Variants in TIMD4 observed in about 807,000 individuals in gnomAD.
TIMD4 encodes T-cell immunoglobulin and mucin domain-containing protein 4.
In TIMD4, 31 loss-of-function variants were observed where a neutral mutation model predicts 41.2. The ratio of observed to expected loss-of-function variants is 0.75; its 90% confidence interval spans 0.57 to 1.01. TIMD4 has a LOEUF of 1.01. Ranked by LOEUF, TIMD4 falls within the 50% of genes least tolerant of loss-of-function variation. TIMD4 has a pLI of 0.00. For synonymous variants in TIMD4, 204 were observed against 177.1 expected (o/e 1.15, Z -1.21); for missense variants, 479 against 472.5 (o/e 1.01, Z -0.13).
intron 1 of TIMD4, 71 bp downstream of exon 1, chr5:156,963,070 G>A: frequency 1.3e-6 from 2 of 1,492,892 alleles, no homozygotes; most frequent in Non-Finnish European, 1.9e-6. Flanking sequence ...GCCCAAACCA[G>A]TGCATGGAAA....
intron 8 of TIMD4, among the ~76,000 whole-genome samples, chr5:156,920,226 G>A (rs1013303410): frequency 3.4e-4 from 52 of 152,078 alleles, no homozygotes; most frequent in African/African-American, 1.1e-3. Context: ...TTTCTTTTGC[G>A]TGCTATACTT....
At chr5:156,950,731 C>G (rs1456871899) in intron 3 of TIMD4, among the ~76,000 whole-genome samples, 2 of 152,190 alleles carry the variant, frequency 1.3e-5, no homozygotes, top group Non-Finnish European at 2.9e-5. Context: ...AAGGCTAGAA[C>G]TAGTTCACCA....
chr5:156,933,350 C>T (rs1290036179), intron 5 of TIMD4, among the ~76,000 whole-genome samples: 1 of 151,992 alleles, frequency 6.6e-6, no homozygotes, highest in South Asian at 2.1e-4. Context: ...GATGCTCTCT[C>T]TACAAAAAAT....
At position 156,949,800 on chromosome 5, in the gene TIMD4, A is replaced by C. The variant is rs1581628980; in HGVS notation, c.680-69T>G. ...TATTGTGTTTGTGGTGGGTGGTGGG[A>C]TTTGGGATTATCTTTTTTTAATTAA... On this transcript the variant is annotated intron_variant, in intron 3 of 8. Transcript: ENST00000274532. The C allele has an allele frequency of 8.6e-6, 8 of 925,252 alleles. No homozygotes were observed. The South Asian group carries it at 9.6e-5, about 11-fold the overall frequency. 57.3% of individuals were successfully genotyped at this position (925,252 alleles called of 1,614,324 possible).
rs138087009 is a variant in TIMD4, at chr5:156,920,494, A to G, written c.1022T>C (p.Met341Thr). Reference protein sequence around the residue: ...FVAFLLRGKLMETYCSQKHTR... With the variant: ...FVAFLLRGKLTETYCSQKHTR... ...GTGTTTCTGCGAACAATAGGTTTCC[A>G]TGAGTTTCCCTGAAAAGACAAGGCC... Residue 341 changes from methionine to threonine, a missense_variant, in exon 8 of 9, where the codon ATG becomes ACG. By Grantham distance (81) the Met-to-Thr change is moderately conservative. Coordinates refer to ENST00000274532, the MANE Select transcript of TIMD4 (RefSeq NM_138379.3). The G allele has an allele frequency of 2.1e-4, 335 of 1,614,082 alleles. 1 individual carries two copies. The African/African-American group carries it at 2.3e-3, about 11-fold the overall frequency.
intron 5 of TIMD4, among the ~76,000 whole-genome samples, chr5:156,934,448 GTTTGT>G (rs374710606): frequency 5.3e-5 from 8 of 151,926 alleles, no homozygotes; most frequent in East Asian, 1.9e-4. Context: ...TTGTTTGTTT[GTTTGT>G]TTTGTTTTGT....
chr5:156,954,772 C>A lies in TIMD4; in HGVS notation c.59-16G>T. 3.2e-6 allele frequency: 5 copies of A among 1,584,304 alleles called. No homozygotes were observed. Among genetic ancestry groups the A allele is most frequent in the Non-Finnish European group, 4.3e-6 (5 of 1,164,234 alleles). On this transcript the variant is annotated splice_polypyrimidine_tract_variant and intron_variant, in intron 1 of 8. Transcript: ENST00000274532. Reference sequence around the variant, plus strand: ...GTGACTGGTGCTGCAAGGAAAAATGCGAAATTTAGGTCATGCAGTACTGAA... The same window carrying A: ...GTGACTGGTGCTGCAAGGAAAAATGAGAAATTTAGGTCATGCAGTACTGAA...
At chr5:156,942,868 A>C (rs1213590878) in intron 5 of TIMD4, among the ~76,000 whole-genome samples, 2 of 152,248 alleles carry the variant, frequency 1.3e-5, no homozygotes, top group Non-Finnish European at 2.9e-5. Context: ...GAGGCAGTTG[A>C]AAATTAAAGA....
intron 5 of TIMD4, among the ~76,000 whole-genome samples, chr5:156,946,175 T>C (rs1489725825): frequency 6.6e-6 from 1 of 152,230 alleles, no homozygotes; most frequent in African/African-American, 2.4e-5. Flanking sequence ...AGGATGATGG[T>C]GTTAGAATGT....
chr5:156,952,289 C>CA (rs765141627), intron 2 of TIMD4, among the ~76,000 whole-genome samples: 6,180 of 115,102 alleles, frequency 0.054, 427 homozygotes, highest in African/African-American at 0.18. Flanking sequence ...GACTCCATCT[C>CA]AAAAAAAAAA....
Position 156,951,518 on chromosome 5 carries a change from T to G in TIMD4, c.673A>C (p.Thr225Pro), listed in dbSNP as rs1759853778. The change falls in exon 3 of 9, where the codon ACT becomes CCT. Residue 225 changes from threonine to proline, a missense_variant. Thr to Pro is a conservative substitution (Grantham distance 38, BLOSUM62 -1). Transcript: ENST00000274532. ...PEPSKEGPIL[T>P]AESETVLPSD... The stretch of plus-strand genomic sequence containing the variant: ...CCAAGATACATCTGCGTACCTGCAG[T>G]GAGGATGGGCCCTTCCTTAGAAGGC... 1 of 1,613,966 alleles carries G rather than the reference T, an allele frequency of 6.2e-7. No individual in the cohort carries two copies. Among genetic ancestry groups the G allele is most frequent in the Admixed American group, 1.7e-5 (1 of 59,988 alleles).
chr5:156,960,052 C>A (rs944504558), intron 1 of TIMD4, among the ~76,000 whole-genome samples: 11 of 149,018 alleles, frequency 7.4e-5, no homozygotes, highest in African/African-American at 2.5e-4. Flanking sequence ...CGAAAAAACC[C>A]AAAAATATTT....
intron 1 of TIMD4, among the ~76,000 whole-genome samples, chr5:156,957,765 C>T (rs1265206445): frequency 6.6e-6 from 1 of 151,598 alleles, no homozygotes; most frequent in Non-Finnish European, 1.5e-5. Context: ...GAGTTTGAGG[C>T]TGCAGTGAGC....
intron 6 of TIMD4, chr5:156,924,377 A>G: frequency 2.6e-6 from 1 of 387,668 alleles, no homozygotes; most frequent in South Asian, 2.2e-5. Flanking sequence ...AAATGAAGCC[A>G]AAGATGTAAA....
intron 5 of TIMD4, among the ~76,000 whole-genome samples, chr5:156,938,460 G>C (rs1007098665): frequency 1.3e-5 from 2 of 152,040 alleles, no homozygotes; most frequent in African/African-American, 4.8e-5. Context: ...ATCAGGTCTG[G>C]AATTCATGGA....
intron 5 of TIMD4, among the ~76,000 whole-genome samples, chr5:156,938,904 G>A (rs1759588337): frequency 6.6e-6 from 1 of 152,128 alleles, no homozygotes; most frequent in African/African-American, 2.4e-5. Flanking sequence ...TGCCAGCCCA[G>A]CTTCCTCGGC....
intron 7 of TIMD4, 142 bp downstream of exon 7, chr5:156,921,957 A>G (rs1222110614): frequency 3.2e-6 from 2 of 619,304 alleles, no homozygotes; most frequent in South Asian, 2.3e-5. Context: ...CTTACCTGTT[A>G]CTTCCCTGGC....
intron 5 of TIMD4, among the ~76,000 whole-genome samples, chr5:156,946,618 G>A (rs961178030): frequency 4.0e-5 from 6 of 151,282 alleles, no homozygotes; most frequent in Admixed American, 1.3e-4. Flanking sequence ...CTAGGACTAC[G>A]GGCGCCCGCC....
chr5:156,928,140 C>A (rs2862057), intron 5 of TIMD4, among the ~76,000 whole-genome samples: 52,198 of 151,800 alleles, frequency 0.34, 10,177 homozygotes, highest in African/African-American at 0.53. Flanking sequence ...TAAAATACAA[C>A]ATACAAAAAT....
Sources: gnomAD v4.1 joint callset for allele counts (sites outside exome capture counted in the v4.1 genomes callset) on GRCh38, gnomAD v4.1.1 for gene constraint, MANE v1.5 for transcripts, NCBI Gene and HGNC (gene_info 2026-07-23, HGNC 2026-07-21) for gene names.